LURAP1L: variants seen among roughly 807,000 people sequenced by gnomAD.
LURAP1L encodes the protein leucine rich adaptor protein 1-like.
In LURAP1L, 12 loss-of-function variants were observed where a neutral mutation model predicts 13.8. The ratio of observed to expected loss-of-function variants is 0.87; its 90% CI spans 0.56 to 1.41. The LOEUF is 1.41. LURAP1L is among the 40% of genes most tolerant of loss of function. The probability of loss-of-function intolerance (pLI) is 0.00; values close to 1 mark genes in which losing one functional copy is unlikely to be tolerated. For missense variants in LURAP1L, 375 were observed against 292.9 expected, an observed-to-expected ratio of 1.28 and a Z score of -2.04; for synonymous variants, 139 against 119.2, an observed-to-expected ratio of 1.17 and a Z score of -1.08.
chr9:12,775,537 T>G lies in LURAP1L; in HGVS notation c.-179T>G, dbSNP rs1475375475. The G allele has an allele frequency of 2.1e-6, 2 of 959,202 alleles. No homozygotes were observed. The highest frequency in any genetic ancestry group is 2.9e-6 in the Non-Finnish European group (2 of 692,900). 59.4% of individuals were successfully genotyped at this position (959,202 alleles called of 1,614,324 possible). A position where few individuals can be genotyped will look rare whatever the true frequency, so the allele number is the denominator to read the frequency against. ...ACTGCAGCTGCGACCCCCCGCGTCC[T>G]GTGCGGATTTCAGGGCTGATACCGC... is the stretch of plus-strand genomic sequence containing the variant. On this transcript the variant is annotated 5_prime_UTR_variant, in exon 1 of 2. Coordinates refer to ENST00000319264, the MANE Select transcript of LURAP1L (RefSeq NM_203403.2).
At chr9:12,810,032 G>T (rs146338005) in intron 1 of LURAP1L, among the ~76,000 whole-genome samples, 1 of 152,282 alleles carries the variant, frequency 6.6e-6, no homozygotes, top group African/African-American at 2.4e-5. Context: ...TGGATATTTT[G>T]TTGATCAGGC....
intron 1 of LURAP1L, among the ~76,000 whole-genome samples, chr9:12,801,223 T>C (rs1195527977): frequency 6.6e-6 from 1 of 151,958 alleles, no homozygotes; most frequent in East Asian, 1.9e-4. Context: ...TCCAAGAGCA[T>C]CCAACCTCTC....
At chr9:12,801,307 G>A (rs1418517466) in intron 1 of LURAP1L, among the ~76,000 whole-genome samples, 1 of 151,000 alleles carries the variant, frequency 6.6e-6, no homozygotes, top group Non-Finnish European at 1.5e-5. Context: ...TGTTAAATGT[G>A]GTTAAGTATA....
chr9:12,820,220 A>G (rs1160240020), intron 1 of LURAP1L, among the ~76,000 whole-genome samples: 1 of 151,770 alleles, frequency 6.6e-6, no homozygotes, highest in Non-Finnish European at 1.5e-5. Context: ...AGGACCACAC[A>G]CCTGCCGGGA....
intron 1 of LURAP1L, among the ~76,000 whole-genome samples, chr9:12,787,785 A>G (rs1412384674): frequency 6.6e-6 from 1 of 152,114 alleles, no homozygotes; most frequent in Non-Finnish European, 1.5e-5. Flanking sequence ...ATACGTTCAT[A>G]ATTTATGATG....
chr9:12,808,464 C>T (rs543344963), intron 1 of LURAP1L, among the ~76,000 whole-genome samples: 1 of 152,120 alleles, frequency 6.6e-6, no homozygotes, highest in Non-Finnish European at 1.5e-5. Context: ...TTATTTTTCC[C>T]AAACTTCTTC....
chr9:12,806,650 A>C (rs1428991980), intron 1 of LURAP1L, among the ~76,000 whole-genome samples: 2 of 152,190 alleles, frequency 1.3e-5, no homozygotes, highest in African/African-American at 4.8e-5. Context: ...TTAGAAGTCT[A>C]TAAATATTCT....
rs768615218 is a variant in LURAP1L, at chr9:12,775,947, A to C, written c.232A>C (p.Thr78Pro). ...GTCGTCCTCCTCTTCGTCCTCCCCA[A>C]CCTCTGGCTCCCCACGAGGTAGCCA... ...SLSSSSSSSP[T>P]SGSPRGSHSS... Residue 78 changes from threonine to proline, a missense_variant, in exon 1 of 2, where the codon ACC becomes CCC. By Grantham distance (38) the Thr-to-Pro change is conservative. Transcript: ENST00000319264. 2 of 1,587,108 alleles carry C rather than the reference A, an allele frequency of 1.3e-6. No homozygotes were observed. Among genetic ancestry groups the C allele is most frequent in the South Asian group, 2.3e-5 (2 of 87,674 alleles).
intron 1 of LURAP1L, among the ~76,000 whole-genome samples, chr9:12,786,561 T>TATATATATATAC (rs1162319401): frequency 5.9e-5 from 7 of 118,874 alleles, no homozygotes; most frequent in Non-Finnish European, 1.1e-4. Context: ...TATATATATA[T>TATATATATATAC]ATATATATAT....
intron 1 of LURAP1L, among the ~76,000 whole-genome samples, chr9:12,802,420 T>C (rs1309518033): frequency 3.9e-5 from 6 of 152,086 alleles, no homozygotes; most frequent in Non-Finnish European, 8.8e-5. Context: ...ATCTGGTCTT[T>C]AAAAGTATGT....
intron 1 of LURAP1L, among the ~76,000 whole-genome samples, chr9:12,797,419 T>C (rs1178311592): frequency 6.6e-6 from 1 of 152,146 alleles, no homozygotes; most frequent in Non-Finnish European, 1.5e-5. Flanking sequence ...GTTTTAGCTG[T>C]CTAAAAACTT....
rs1332407597 is a variant in LURAP1L, at chr9:12,823,004, T to G, written c.*1244T>G. On this transcript the variant is annotated 3_prime_UTR_variant, in exon 2 of 2. Coordinates refer to ENST00000319264, the MANE Select transcript of LURAP1L (RefSeq NM_203403.2). The stretch of plus-strand genomic sequence containing the variant: ...TTTACTACACATGTTGAATTTATTA[T>G]TGTTTATTTCCAAGGCATGTATTAT... Among the ~76,000 whole-genome samples the G allele has an allele frequency of 1.3e-5, 2 of 152,254 alleles. No individual in the cohort carries two copies. The highest frequency in any genetic ancestry group is 3.8e-4 in the East Asian group (2 of 5,204).
At chr9:12,789,493 G>T (rs776697786) in intron 1 of LURAP1L, among the ~76,000 whole-genome samples, 2 of 152,012 alleles carry the variant, frequency 1.3e-5, no homozygotes, top group African/African-American at 4.8e-5. Context: ...GGTATTGAGC[G>T]CCCCTACACA....
chr9:12,807,879 C>T (rs1315790572), intron 1 of LURAP1L, among the ~76,000 whole-genome samples: 3 of 151,858 alleles, frequency 2.0e-5, no homozygotes, highest in South Asian at 2.1e-4. Context: ...TTTTTAAGTA[C>T]GATTTTTAGT....
chr9:12,821,515 A>AGCC lies in LURAP1L; in HGVS notation c.443_445dup (p.Ser148_Leu149insArg), dbSNP rs1286617883. The AGCC allele has an allele frequency of 6.2e-7, 1 of 1,614,200 alleles. No individual in the cohort carries two copies. Among genetic ancestry groups the AGCC allele is most frequent in the Admixed American group, 1.7e-5 (1 of 60,024 alleles). On this transcript the variant is annotated inframe_insertion, in exon 2 of 2. Transcript: ENST00000319264. ...CAGCAGAGGCAGCAGCCTCAGTGGC[A>AGCC]GCCTGTGCAGTTTGTTGGAGAGTCA...
chr9:12,785,893 G>C (rs1445555592), intron 1 of LURAP1L, among the ~76,000 whole-genome samples: 2 of 152,108 alleles, frequency 1.3e-5, no homozygotes, highest in Non-Finnish European at 2.9e-5. Context: ...TGTTCAACTT[G>C]ATGTTTCTGT....
At chr9:12,782,532 A>T (rs1222787062) in intron 1 of LURAP1L, among the ~76,000 whole-genome samples, 1 of 152,204 alleles carries the variant, frequency 6.6e-6, no homozygotes, top group Non-Finnish European at 1.5e-5. Context: ...ATCTTTGTGA[A>T]AAATGAGTTC....
intron 1 of LURAP1L, among the ~76,000 whole-genome samples, chr9:12,813,750 C>A (rs543673003): frequency 7.3e-4 from 111 of 152,200 alleles, no homozygotes; most frequent in African/African-American, 2.6e-3. Context: ...TCCAACATAA[C>A]CCATGCTGAG....
At chr9:12,795,340 C>T (rs902334248) in intron 1 of LURAP1L, among the ~76,000 whole-genome samples, 4 of 151,940 alleles carry the variant, frequency 2.6e-5, no homozygotes, top group Non-Finnish European at 5.9e-5. Flanking sequence ...TTCATTCCAT[C>T]TTTAATGTTT....
Sources: allele counts gnomAD v4.1 joint callset (sites outside exome capture counted in the v4.1 genomes callset), GRCh38; gene constraint gnomAD v4.1.1; transcripts MANE v1.5; gene names NCBI Gene and HGNC (gene_info 2026-07-23, HGNC 2026-07-21).